Variants in SLC24A3 observed in about 807,000 individuals in gnomAD.
The protein encoded by SLC24A3 is sodium/potassium/calcium exchanger 3.
A neutral mutation model predicts 75.8 loss-of-function variants in SLC24A3; 28 were observed. That is an observed-to-expected ratio of 0.37 (90% CI 0.27 to 0.51). SLC24A3 has a LOEUF of 0.51. Among genes scored for constraint, SLC24A3 ranks in the 20% least tolerant of loss-of-function variants. SLC24A3 has a pLI of 0.94. For missense variants in SLC24A3, 663 were observed against 847.8 expected, an observed-to-expected ratio of 0.78 and a Z score of 2.71; for synonymous variants, 372 against 334.1, an observed-to-expected ratio of 1.11 and a Z score of -1.24.
intron 2 of SLC24A3, among the ~76,000 whole-genome samples, chr20:19,372,952 C>T (rs766723263): frequency 6.6e-5 from 10 of 152,094 alleles, no homozygotes; most frequent in Non-Finnish European, 1.0e-4. Context: ...CCTGTGGTGG[C>T]CCCAGGGCTG....
chr20:19,247,292 A>T (rs905656980), intron 1 of SLC24A3, among the ~76,000 whole-genome samples: 32 of 152,336 alleles, frequency 2.1e-4, no homozygotes, highest in Middle Eastern at 3.4e-3. Context: ...TGTGCAAATT[A>T]TGCCCACTCT....
At chr20:19,349,909 T>G (rs931656678) in intron 2 of SLC24A3, among the ~76,000 whole-genome samples, 3 of 152,234 alleles carry the variant, frequency 2.0e-5, no homozygotes, top group Non-Finnish European at 4.4e-5. Context: ...GTTACCACTG[T>G]GTGGCATATG....
Position 19,668,637 on chromosome 20 carries a change from T to A in SLC24A3, c.713+2748T>A, listed in dbSNP as rs1297007667. ...CAAATACACCAGGACAAAGTACCCCTGTCATGCAGTTCAGATTCTTTCACC... is the reference window on the plus strand; with the variant it reads ...CAAATACACCAGGACAAAGTACCCCAGTCATGCAGTTCAGATTCTTTCACC... On this transcript the variant is annotated intron_variant, in intron 8 of 16. Coordinates refer to ENST00000328041, the MANE Select transcript of SLC24A3 (RefSeq NM_020689.4). 7.2e-5 allele frequency among the ~76,000 whole-genome samples: 11 copies of A among 152,242 alleles called. No individual in the cohort carries two copies. In the East Asian group the frequency reaches 2.1e-3, roughly 29 times the overall value.
intron 6 of SLC24A3, among the ~76,000 whole-genome samples, chr20:19,640,970 G>GT (rs1416999784): frequency 6.6e-6 from 1 of 152,166 alleles, no homozygotes; most frequent in African/African-American, 2.4e-5. Context: ...TATGTCAGGT[G>GT]TTTGCTTCAT....
intron 2 of SLC24A3, among the ~76,000 whole-genome samples, chr20:19,452,419 T>C (rs113133991): frequency 7.2e-6 from 1 of 139,408 alleles, no homozygotes; most frequent in African/African-American, 3.1e-5. Flanking sequence ...TGTGTGTGTG[T>C]GTGTGTTGGG....
Position 19,487,248 on chromosome 20 carries a change from G to A in SLC24A3, c.272-28240G>A, listed in dbSNP as rs77282253. On this transcript the variant is annotated intron_variant, in intron 2 of 16. Coordinates refer to ENST00000328041, the MANE Select transcript of SLC24A3 (RefSeq NM_020689.4). ...AAATGCCCTGTAATATGATAAGGAAGGACTCAGAGGCTGGAGACCCCATGC... is the reference window on the plus strand; with the variant it reads ...AAATGCCCTGTAATATGATAAGGAAAGACTCAGAGGCTGGAGACCCCATGC... Among the ~76,000 whole-genome samples the A allele has an allele frequency of 3.2e-3, 488 of 152,214 alleles. 4 individuals carry two copies. The highest frequency in any genetic ancestry group is 0.011 in the African/African-American group (461 of 41,540).
intron 2 of SLC24A3, among the ~76,000 whole-genome samples, chr20:19,480,942 C>T (rs1011381801): frequency 5.9e-5 from 9 of 152,182 alleles, no homozygotes; most frequent in African/African-American, 1.9e-4. Flanking sequence ...CTATTTAATA[C>T]AAAACCTCTA....
intron 3 of SLC24A3, among the ~76,000 whole-genome samples, chr20:19,527,950 T>G (rs951227420): frequency 2.6e-5 from 4 of 152,156 alleles, no homozygotes; most frequent in South Asian, 4.1e-4. Context: ...GAGTGAGGTT[T>G]GTAAATGTGG....
At chr20:19,488,668 C>G (rs1006289678) in intron 2 of SLC24A3, among the ~76,000 whole-genome samples, 2 of 152,194 alleles carry the variant, frequency 1.3e-5, no homozygotes, top group African/African-American at 4.8e-5. Flanking sequence ...ATCTGAAATA[C>G]GCAGGACCAG....
intron 6 of SLC24A3, among the ~76,000 whole-genome samples, chr20:19,596,661 G>A (rs1177787850): frequency 6.6e-6 from 1 of 152,178 alleles, no homozygotes; most frequent in East Asian, 1.9e-4. Context: ...GGCACTTGTA[G>A]TGAAAGCCCT....
intron 1 of SLC24A3, among the ~76,000 whole-genome samples, chr20:19,240,681 G>A (rs757231071): frequency 5.9e-5 from 9 of 152,190 alleles, no homozygotes; most frequent in Non-Finnish European, 1.0e-4. Context: ...GATAGGCTGG[G>A]GATGAAGGTT....
intron 3 of SLC24A3, among the ~76,000 whole-genome samples, chr20:19,547,870 G>A (rs3790256): frequency 0.88 from 133,525 of 152,300 alleles, 58,756 homozygotes; most frequent in Middle Eastern, 0.95. Flanking sequence ...TCCTTTGGGC[G>A]CAGCCCAGAA....
intron 2 of SLC24A3, among the ~76,000 whole-genome samples, chr20:19,325,734 G>A (rs112280922): frequency 1.1e-4 from 13 of 118,744 alleles, no homozygotes; most frequent in African/African-American, 4.9e-4. Context: ...ATATATATAT[G>A]TGTGTGTGTG....
chr20:19,451,294 A>G (rs1987476391), intron 2 of SLC24A3, among the ~76,000 whole-genome samples: 1 of 152,216 alleles, frequency 6.6e-6, no homozygotes, highest in South Asian at 2.1e-4. Flanking sequence ...GTCCTTGGGC[A>G]TTGCACATCC....
intron 6 of SLC24A3, among the ~76,000 whole-genome samples, chr20:19,642,559 C>CT: frequency 6.6e-6 from 1 of 152,308 alleles, no homozygotes; most frequent in Non-Finnish European, 1.5e-5. Context: ...GGAACCCATT[C>CT]TCCCTTGTCT....
chr20:19,609,207 C>T (rs1000337938), intron 6 of SLC24A3, among the ~76,000 whole-genome samples: 1 of 151,980 alleles, frequency 6.6e-6, no homozygotes, highest in Non-Finnish European at 1.5e-5. Context: ...AAATGAAATA[C>T]GAAGGAGGGG....
At chr20:19,420,497 C>T (rs1347373026) in intron 2 of SLC24A3, among the ~76,000 whole-genome samples, 3 of 148,026 alleles carry the variant, frequency 2.0e-5, no homozygotes, top group Non-Finnish European at 3.0e-5. Flanking sequence ...CCTGTTGTTT[C>T]CTGACTTTTT....
intron 6 of SLC24A3, among the ~76,000 whole-genome samples, chr20:19,586,306 A>G (rs1179537008): frequency 6.6e-6 from 1 of 152,202 alleles, no homozygotes; most frequent in Non-Finnish European, 1.5e-5. Flanking sequence ...GATTTTATTC[A>G]GAAACAACAC....
intron 1 of SLC24A3, among the ~76,000 whole-genome samples, chr20:19,275,613 T>C (rs1983460547): frequency 6.6e-6 from 1 of 152,040 alleles, no homozygotes; most frequent in Non-Finnish European, 1.5e-5. Context: ...CAGAAATCCT[T>C]GGGCTCTCTA....
Sources: gnomAD v4.1 joint callset for allele counts (sites outside exome capture counted in the v4.1 genomes callset) on GRCh38, gnomAD v4.1.1 for gene constraint, MANE v1.5 for transcripts, NCBI Gene and HGNC (gene_info 2026-07-23, HGNC 2026-07-21) for gene names.